IL20RB: variants seen among roughly 807,000 people sequenced by gnomAD.
IL20RB encodes the protein interleukin 20 receptor subunit beta.
IL20RB carries 21 observed loss-of-function variants against 33.3 expected under a neutral mutation model. The observed-to-expected ratio is 0.63, with a 90% CI of 0.45 to 0.91. IL20RB has a LOEUF of 0.91. Ranked by LOEUF, IL20RB falls within the 40% of genes least tolerant of loss-of-function variation. The pLI is 0.00. For synonymous variants in IL20RB, 147 were observed against 146.8 expected, an observed-to-expected ratio of 1.00 and a Z score of -0.01; for missense variants, 345 against 384.8, an observed-to-expected ratio of 0.90 and a Z score of 0.86.
At chr3:136,964,035 A>C (rs1941308095) in intron 1 of IL20RB, among the ~76,000 whole-genome samples, 1 of 56,900 alleles carries the variant, frequency 1.8e-5, no homozygotes, top group Non-Finnish European at 3.2e-5. Context: ...ATCATTTTTT[A>C]TGGCTGCATA....
chr3:136,980,650 A>T, intron 2 of IL20RB, 58 bp downstream of exon 2: 1 of 1,601,182 alleles, frequency 6.2e-7, no homozygotes, highest in South Asian at 1.1e-5. Context: ...TCCTGAAGGC[A>T]TAGCCCTTCC....
chr3:136,978,166 GTT>G (rs780316908), intron 1 of IL20RB, among the ~76,000 whole-genome samples: 7 of 130,642 alleles, frequency 5.4e-5, no homozygotes, highest in Non-Finnish European at 5.0e-5. Flanking sequence ...GTTCTGTCTT[GTT>G]TTTTTTTTTT....
chr3:136,974,161 G>A (rs750735180), intron 1 of IL20RB, among the ~76,000 whole-genome samples: 7 of 151,878 alleles, frequency 4.6e-5, no homozygotes, highest in Admixed American at 1.3e-4. Context: ...TGTTCATTGT[G>A]TTTTAGTGGA....
intron 5 of IL20RB, 141 bp downstream of exon 5, chr3:136,992,229 T>G (rs759914764): frequency 2.3e-6 from 2 of 855,972 alleles, no homozygotes; most frequent in Non-Finnish European, 3.5e-6. Flanking sequence ...TGGGTTCCCA[T>G]AGTGAAATTA....
rs183838183 is a variant in IL20RB, at chr3:136,995,588, T to C, written c.825+32T>C. ...GAGTAGTTCTTTATTCCTTTCAGTA[T>C]AACACTGACCAGATGTAGTTTGGGC... is the stretch of plus-strand genomic sequence containing the variant. On this transcript the variant is annotated intron_variant, in intron 6 of 6. Transcript: ENST00000329582. 64 of 1,611,248 alleles carry C rather than the reference T, an allele frequency of 4.0e-5. No individual in the cohort carries two copies. The East Asian group carries it at 1.3e-3, about 33-fold the overall frequency.
At chr3:136,987,898 C>T (rs989946824) in intron 3 of IL20RB, among the ~76,000 whole-genome samples, 13 of 152,294 alleles carry the variant, frequency 8.5e-5, no homozygotes, top group African/African-American at 2.9e-4. Context: ...GCCCACCAAG[C>T]CCACGCCCAC....
At chr3:136,986,238 AATAAATAAATAAATAAATAAAAAT>A (rs1941895171) in intron 3 of IL20RB, among the ~76,000 whole-genome samples, 2 of 135,338 alleles carry the variant, frequency 1.5e-5, no homozygotes, top group African/African-American at 2.8e-5. Flanking sequence ...TAAATAAATA[AATAAATAAATAAATAAATAAAAAT>A]AAAACAGGAA....
At chr3:137,005,784 T>C (rs1209700910) in intron 6 of IL20RB, among the ~76,000 whole-genome samples, 3 of 152,236 alleles carry the variant, frequency 2.0e-5, no homozygotes. Flanking sequence ...AATATTGTTA[T>C]GTGTGAATTT....
intron 1 of IL20RB, among the ~76,000 whole-genome samples, chr3:136,960,740 G>C (rs1470031557): frequency 6.6e-6 from 1 of 152,126 alleles, no homozygotes; most frequent in Non-Finnish European, 1.5e-5. Context: ...ATTTGATGAT[G>C]GTTTGGTCTG....
intron 6 of IL20RB, among the ~76,000 whole-genome samples, chr3:136,997,985 G>A (rs563460456): frequency 1.2e-4 from 19 of 152,080 alleles, no homozygotes; most frequent in African/African-American, 4.6e-4. Context: ...GATCAGGCTG[G>A]TCTTGAATTC....
chr3:137,009,640 A>G (rs1362070788), intron 6 of IL20RB, among the ~76,000 whole-genome samples: 5 of 152,034 alleles, frequency 3.3e-5, no homozygotes, highest in South Asian at 4.2e-4. Flanking sequence ...CCCAGGCTCA[A>G]TTGATCCTCC....
In IL20RB at chr3:136,963,692, T is replaced by TAA. The variant is rs1553802036; in HGVS notation, c.88+5492_88+5493insAA. On this transcript the variant is annotated intron_variant, in intron 1 of 6. Coordinates refer to ENST00000329582, the MANE Select transcript of IL20RB (RefSeq NM_144717.4). ...GATACTAGTTCTTTTTTTTTTTTTTTATTTTTTTTTTTTATTATACTCTAA... is the reference window on the plus strand; with the variant it reads ...GATACTAGTTCTTTTTTTTTTTTTTTAAATTTTTTTTTTTTATTATACTCTAA... Among the ~76,000 whole-genome samples, 314 of 132,304 alleles carry TAA rather than the reference T, an allele frequency of 2.4e-3. 2 individuals carry two copies. The highest frequency in any genetic ancestry group is 6.9e-3 in the African/African-American group (241 of 34,830). 86.8% of individuals were successfully genotyped at this position (132,304 alleles called of 152,430 possible).
chr3:136,970,342 G>T (rs1941441291), intron 1 of IL20RB, among the ~76,000 whole-genome samples: 1 of 152,026 alleles, frequency 6.6e-6, no homozygotes, highest in African/African-American at 2.4e-5. Context: ...TGATTCACCT[G>T]CCTCAGCCTC....
chr3:137,009,133 A>G (rs1933012960), intron 6 of IL20RB, among the ~76,000 whole-genome samples: 1 of 152,210 alleles, frequency 6.6e-6, no homozygotes, highest in African/African-American at 2.4e-5. Flanking sequence ...TTTGCAAACA[A>G]GGATGAAGGG....
intron 1 of IL20RB, among the ~76,000 whole-genome samples, chr3:136,970,046 C>A (rs1941431234): frequency 6.6e-6 from 1 of 151,328 alleles, no homozygotes. Context: ...CTGCAGATAT[C>A]CAATTGTTCC....
intron 6 of IL20RB, among the ~76,000 whole-genome samples, chr3:136,998,392 A>G (rs1356581339): frequency 6.6e-6 from 1 of 151,196 alleles, no homozygotes; most frequent in East Asian, 1.9e-4. Flanking sequence ...AGGTATTTAA[A>G]ATAATCTTTT....
At chr3:136,980,735 C>A (rs1941751445) in intron 2 of IL20RB, 143 bp downstream of exon 2, 1 of 774,510 alleles carries the variant, frequency 1.3e-6, no homozygotes, top group Non-Finnish European at 2.1e-6. Context: ...TCTGCATAGG[C>A]ATTGAAAGAG....
chr3:136,990,031 G>A (rs2108207895), intron 4 of IL20RB, among the ~76,000 whole-genome samples: 1 of 152,130 alleles, frequency 6.6e-6, no homozygotes, highest in Non-Finnish European at 1.5e-5. Flanking sequence ...GTTGGCTTAT[G>A]AGTAAACCCA....
intron 1 of IL20RB, among the ~76,000 whole-genome samples, chr3:136,960,482 G>T (rs1941189250): frequency 6.6e-6 from 1 of 152,104 alleles, no homozygotes; most frequent in Non-Finnish European, 1.5e-5. Flanking sequence ...GCCTTGTCCT[G>T]TCCCTCCCAA....
Sources: gnomAD v4.1 joint callset for allele counts (sites outside exome capture counted in the v4.1 genomes callset) on GRCh38, gnomAD v4.1.1 for gene constraint, MANE v1.5 for transcripts, NCBI Gene and HGNC (gene_info 2026-07-23, HGNC 2026-07-21) for gene names.